Variants in TMEM181 observed in about 807,000 individuals in gnomAD.
The protein encoded by TMEM181 is transmembrane protein 181, also known as G protein-coupled receptor 178.
TMEM181 carries 39 observed loss-of-function variants against 71.9 expected under a neutral mutation model. That is an observed-to-expected ratio of 0.54 (90% CI 0.42 to 0.71). The LOEUF is 0.71. TMEM181 is among the 30% of genes least tolerant of loss of function. The pLI is 0.00. For synonymous variants in TMEM181, 245 were observed against 228.8 expected, an observed-to-expected ratio of 1.07 and a Z score of -0.64; for missense variants, 595 against 583.0, an observed-to-expected ratio of 1.02 and a Z score of -0.21.
intron 6 of TMEM181, among the ~76,000 whole-genome samples, chr6:158,594,249 C>A (rs1784272090): frequency 6.6e-6 from 1 of 151,818 alleles, no homozygotes; most frequent in Non-Finnish European, 1.5e-5. Context: ...CAGGTGCGCA[C>A]CACTATGCGT....
intron 12 of TMEM181, 36 bp from the exon 13 acceptor site, chr6:158,625,667 C>G: frequency 6.4e-7 from 1 of 1,561,128 alleles, no homozygotes; most frequent in Non-Finnish European, 8.7e-7. Context: ...GTGGAATTTA[C>G]TTCCAGAGTT....
At chr6:158,575,740 A>G (rs1190456039) in intron 2 of TMEM181, among the ~76,000 whole-genome samples, 1 of 152,218 alleles carries the variant, frequency 6.6e-6, no homozygotes, top group Non-Finnish European at 1.5e-5. Context: ...TTGTGGACAC[A>G]GGCCTCTTTC....
chr6:158,616,340 C>T (rs1455328901), intron 10 of TMEM181, among the ~76,000 whole-genome samples: 5 of 152,104 alleles, frequency 3.3e-5, no homozygotes, highest in African/African-American at 1.2e-4. Context: ...ATTTTGTATC[C>T]TGAGACTTTC....
intron 6 of TMEM181, among the ~76,000 whole-genome samples, chr6:158,592,791 A>G (rs576457872): frequency 2.0e-4 from 31 of 152,122 alleles, no homozygotes; most frequent in Non-Finnish European, 4.0e-4. Flanking sequence ...GGTGGTGCAC[A>G]CCTGTAGTCC....
chr6:158,538,006 T>A (rs1781191466), intron 1 of TMEM181, among the ~76,000 whole-genome samples: 2 of 152,158 alleles, frequency 1.3e-5, no homozygotes, highest in Admixed American at 1.3e-4. Context: ...GGGGCGAGCC[T>A]GGAAATCTGT....
At chr6:158,623,268 C>T (rs1786075560) in intron 10 of TMEM181, among the ~76,000 whole-genome samples, 1 of 152,118 alleles carries the variant, frequency 6.6e-6, no homozygotes, top group African/African-American at 2.4e-5. Context: ...GCTCTTAAAA[C>T]TGCAAGAGAA....
Position 158,536,681 on chromosome 6 carries a change from G to A in TMEM181, c.-54G>A, listed in dbSNP as rs199707996. 2.1e-4 allele frequency: 323 copies of A among 1,529,870 alleles called. 1 individual carries two copies. In the African/African-American group the frequency reaches 3.5e-3, roughly 17 times the overall value. The allele number at this position is 1,529,870 out of a possible 1,614,324, so 94.8% of individuals were successfully genotyped here. ...GTGCTGGGAGAAGAGAGGGGGCGCA[G>A]GCGGCGACACAAAGGGTGGAGCGGC... On this transcript the variant is annotated 5_prime_UTR_variant, in exon 1 of 17. Coordinates refer to the TMEM181 transcript ENST00000367090.
intron 10 of TMEM181, among the ~76,000 whole-genome samples, chr6:158,612,332 G>C (rs1785378600): frequency 6.6e-6 from 1 of 152,206 alleles, no homozygotes; most frequent in Admixed American, 6.5e-5. Flanking sequence ...AAAGGACCAG[G>C]GGCGACGTGT....
chr6:158,544,182 A>AGTGTGTGTGT lies in TMEM181; in HGVS notation c.131+7344_131+7353dup, dbSNP rs34605570. Among the ~76,000 whole-genome samples the AGTGTGTGTGT allele has an allele frequency of 7.5e-3, 959 of 127,610 alleles. 12 individuals carry two copies. Among genetic ancestry groups the AGTGTGTGTGT allele is most frequent in the African/African-American group, 0.026 (843 of 32,916 alleles). 83.7% of individuals were successfully genotyped at this position (127,610 alleles called of 152,430 possible). A position where few individuals can be genotyped will look rare whatever the true frequency, so the allele number is the denominator to read the frequency against. On this transcript the variant is annotated intron_variant, in intron 1 of 16. Transcript: ENST00000367090. ...GGTTTCTCAGGTGCAAATTGGAGAG[A>AGTGTGTGTGT]GTGTGTGTGTGTGTGTGTGTGTGTG...
At chr6:158,572,539 G>GAC (rs567278267) in intron 1 of TMEM181, 2 of 454,974 alleles carry the variant, frequency 4.4e-6, no homozygotes, top group Non-Finnish European at 4.4e-6. Flanking sequence ...GTTTGACTGG[G>GAC]ACACAGCCAT....
upstream of TMEM181, among the ~76,000 whole-genome samples, chr6:158,559,890 C>A (rs1021824023): frequency 6.6e-6 from 1 of 152,232 alleles, no homozygotes; most frequent in Non-Finnish European, 1.5e-5. Flanking sequence ...CTAAGTCATT[C>A]ATTCACTCAT....
rs1786673143 is a variant in TMEM181 at position 158,631,692 on chromosome 6, A to G, written c.1350-118A>G. On this transcript the variant is annotated intron_variant, in intron 16 of 16. Transcript: ENST00000684151. ...GGGGTGAGCAGTAGCAGTTGGTGAT[A>G]GAAAATTGAAAGAGCGAAGCTATGA... is the stretch of plus-strand genomic sequence containing the variant. The G allele has an allele frequency of 4.2e-6, 5 of 1,197,774 alleles. No individual in the cohort carries two copies. The South Asian group carries it at 5.6e-5, about 13-fold the overall frequency. The allele number at this position is 1,197,774 out of a possible 1,614,324, so 74.2% of individuals were successfully genotyped here.
chr6:158,618,241 T>C (rs547880544), intron 10 of TMEM181, among the ~76,000 whole-genome samples: 183 of 152,352 alleles, frequency 1.2e-3, no homozygotes, highest in Non-Finnish European at 1.8e-3. Context: ...AATGGCCTTC[T>C]TTGTCTCTTT....
chr6:158,603,301 C>T (rs953559511), intron 6 of TMEM181, among the ~76,000 whole-genome samples: 3 of 152,002 alleles, frequency 2.0e-5, no homozygotes, highest in Non-Finnish European at 2.9e-5. Flanking sequence ...GATTTGGGGA[C>T]GACTCAAGGG....
chr6:158,574,894 A>C (rs1219459726), intron 2 of TMEM181, among the ~76,000 whole-genome samples: 4 of 152,216 alleles, frequency 2.6e-5, no homozygotes, highest in Non-Finnish European at 4.4e-5. Context: ...TTCCAGTCCA[A>C]GCCCAAAGGC....
chr6:158,542,484 A>G (rs550959833), intron 1 of TMEM181, among the ~76,000 whole-genome samples: 1 of 152,310 alleles, frequency 6.6e-6, no homozygotes, highest in African/African-American at 2.4e-5. Context: ...CAGAATTCAA[A>G]CCCAAGTCTG....
Position 158,631,977 on chromosome 6 carries a change from T to A in TMEM181, c.*89T>A. 8.2e-7 allele frequency: 1 copy of A among 1,222,910 alleles called. No homozygotes were observed. Among genetic ancestry groups the A allele is most frequent in the Non-Finnish European group, 1.2e-6 (1 of 864,872 alleles). The allele number at this position is 1,222,910 out of a possible 1,614,324, so 75.8% of individuals were successfully genotyped here. A position where few individuals can be genotyped will look rare whatever the true frequency, so the allele number is the denominator to read the frequency against. ...CCTTCCCCTGTTATATTCAGATTTT[T>A]CTTACAAGCAGAGATTTCCTGTTCA... On this transcript the variant is annotated 3_prime_UTR_variant, in exon 17 of 17. Transcript: ENST00000684151.
rs1467709917 is a variant in TMEM181, at chr6:158,589,724, A to G, written c.434A>G (p.Tyr145Cys). The change falls in exon 6 of 17, where the codon TAT becomes TGT. Residue 145 changes from tyrosine (Y) to cysteine (C), a missense_variant. Coordinates refer to ENST00000684151, the MANE Select transcript of TMEM181 (RefSeq NM_001376852.1). ...CTTGGCTACCTGAACTACACTCAGT[A>G]TACAGTGATAGTGGGATTTGAACAC... ...AHLGYLNYTQ[Y>C]TVIVGFEHLK... 2 of 1,614,200 alleles carry G rather than the reference A, an allele frequency of 1.2e-6. No homozygotes were observed. The highest frequency in any genetic ancestry group is 1.7e-5 in the Admixed American group (1 of 60,022).
intron 2 of TMEM181, among the ~76,000 whole-genome samples, chr6:158,580,504 T>G (rs1421566518): frequency 1.3e-5 from 2 of 152,236 alleles, no homozygotes; most frequent in Non-Finnish European, 1.5e-5. Flanking sequence ...TTTATAGCCC[T>G]TAATAAGTAT....
Sources: allele counts gnomAD v4.1 joint callset (sites outside exome capture counted in the v4.1 genomes callset), GRCh38; gene constraint gnomAD v4.1.1; transcripts MANE v1.5; gene names NCBI Gene and HGNC (gene_info 2026-07-23, HGNC 2026-07-21).